CDH8: variants seen among roughly 807,000 people sequenced by gnomAD.
CDH8 encodes the protein cadherin 8, also known as cadherin-8.
CDH8 carries 17 observed loss-of-function variants against 68.1 expected under a neutral mutation model. The ratio of observed to expected loss-of-function variants is 0.25; its 90% CI spans 0.17 to 0.37. CDH8 has a LOEUF of 0.37. CDH8 is among the 10% of genes least tolerant of loss of function. The pLI is 1.00. For synonymous variants in CDH8, 372 were observed against 365.1 expected (o/e 1.02, Z -0.21); for missense variants, 763 against 999.3 (o/e 0.76, Z 3.19).
At chr16:61,680,109 C>A (rs544262137) in intron 10 of CDH8, among the ~76,000 whole-genome samples, 3 of 151,904 alleles carry the variant, frequency 2.0e-5, no homozygotes, top group African/African-American at 7.2e-5. Context: ...CATATCCCTG[C>A]GTCATTCTTG....
intron 7 of CDH8, 92 bp from the exon 8 acceptor site, chr16:61,789,574 T>C: frequency 8.2e-7 from 1 of 1,212,196 alleles, no homozygotes; most frequent in Non-Finnish European, 1.1e-6. Flanking sequence ...AGAGCCATAT[T>C]TGTGAAATCA....
intron 2 of CDH8, among the ~76,000 whole-genome samples, chr16:61,936,390 C>G (rs556015539): frequency 6.6e-6 from 1 of 152,094 alleles, no homozygotes; most frequent in Non-Finnish European, 1.5e-5. Context: ...TACTGCCAAA[C>G]AACCATGCTA....
At chr16:62,004,947 CAGA>C (rs1965949380) in intron 2 of CDH8, among the ~76,000 whole-genome samples, 1 of 152,126 alleles carries the variant, frequency 6.6e-6, no homozygotes, top group African/African-American at 2.4e-5. Flanking sequence ...TACAGAGTAG[CAGA>C]AGGAGAGGAT....
intron 3 of CDH8, among the ~76,000 whole-genome samples, chr16:61,868,746 G>C (rs1164929802): frequency 1.3e-5 from 2 of 152,122 alleles, no homozygotes; most frequent in African/African-American, 2.4e-5. Flanking sequence ...TTTCAGATTA[G>C]GGGACTCAAT....
At chr16:61,796,951 G>A (rs1012270893) in intron 7 of CDH8, among the ~76,000 whole-genome samples, 4 of 151,930 alleles carry the variant, frequency 2.6e-5, no homozygotes, top group African/African-American at 7.3e-5. Flanking sequence ...ATTGCATTGG[G>A]GAAATAACAT....
chr16:61,676,145 CAA>C (rs60364173), intron 10 of CDH8, among the ~76,000 whole-genome samples: 6 of 131,150 alleles, frequency 4.6e-5, no homozygotes, highest in Admixed American at 7.9e-5. Context: ...CACACACACT[CAA>C]AAAAAAAAAA....
intron 2 of CDH8, among the ~76,000 whole-genome samples, chr16:62,004,058 A>T (rs1245190902): frequency 2.0e-5 from 3 of 152,190 alleles, no homozygotes; most frequent in Admixed American, 2.0e-4. Context: ...GATGTGTAAC[A>T]TATGGCCATA....
intron 10 of CDH8, among the ~76,000 whole-genome samples, chr16:61,705,726 T>G (rs1168695420): frequency 4.0e-5 from 6 of 151,724 alleles, no homozygotes; most frequent in South Asian, 2.1e-4. Context: ...AAGGCCAGGT[T>G]CACAAAATTG....
At chr16:61,932,218 A>AAAAAAGAAAAG (rs577005665) in intron 2 of CDH8, among the ~76,000 whole-genome samples, 13,063 of 146,088 alleles carry the variant, frequency 0.089, 820 homozygotes, top group East Asian at 0.25. Context: ...AAAAAAAAAA[A>AAAAAAGAAAAG]AAAAGAAAAG....
At chr16:61,688,913 G>A (rs376496618) in intron 10 of CDH8, among the ~76,000 whole-genome samples, 1 of 152,116 alleles carries the variant, frequency 6.6e-6, no homozygotes, top group East Asian at 1.9e-4. Flanking sequence ...CTGTGAGAAG[G>A]TTTGGGAGGT....
chr16:61,998,293 T>C (rs1965840493), intron 2 of CDH8, among the ~76,000 whole-genome samples: 1 of 152,336 alleles, frequency 6.6e-6, no homozygotes, highest in South Asian at 2.1e-4. Context: ...TTTGAAATTA[T>C]ATCCCAATAA....
intron 3 of CDH8, among the ~76,000 whole-genome samples, chr16:61,895,311 G>C (rs554072207): frequency 6.6e-6 from 1 of 152,104 alleles, no homozygotes; most frequent in South Asian, 2.1e-4. Context: ...GCCCATGGGA[G>C]GTAGAACCAG....
chr16:61,812,087 C>A (rs1490272187), intron 7 of CDH8, among the ~76,000 whole-genome samples: 1 of 152,004 alleles, frequency 6.6e-6, no homozygotes, highest in African/African-American at 2.4e-5. Flanking sequence ...AACACACACA[C>A]AAACAAACAT....
At chr16:62,035,653 G>T (rs985708079) in intron 1 of CDH8, among the ~76,000 whole-genome samples, 1 of 152,080 alleles carries the variant, frequency 6.6e-6, no homozygotes, top group Non-Finnish European at 1.5e-5. Flanking sequence ...TCCCTGGCTT[G>T]CACCCTCCGC....
chr16:61,789,216 C>T, intron 8 of CDH8, 130 bp downstream of exon 8: 3 of 743,158 alleles, frequency 4.0e-6, no homozygotes, highest in Non-Finnish European at 6.5e-6. Context: ...TTCAAAGGCT[C>T]CTTGGGAACA....
chr16:61,722,691 C>T (rs929165286), intron 9 of CDH8, among the ~76,000 whole-genome samples: 9 of 150,536 alleles, frequency 6.0e-5, no homozygotes, highest in African/African-American at 2.2e-4. Context: ...TTATTTAGAG[C>T]CATGATTCTA....
intron 8 of CDH8, among the ~76,000 whole-genome samples, chr16:61,749,822 T>C (rs994499009): frequency 1.4e-4 from 21 of 152,194 alleles, no homozygotes; most frequent in Non-Finnish European, 2.4e-4. Context: ...TAGCCATGAT[T>C]CCAGAAAACT....
intron 8 of CDH8, among the ~76,000 whole-genome samples, chr16:61,771,470 G>GA (rs1960774870): frequency 2.2e-5 from 1 of 46,434 alleles, no homozygotes; most frequent in African/African-American, 1.1e-4. Context: ...TTAAAAGCCA[G>GA]CCAAAAAAAA....
At chr16:61,981,569 T>A (rs756068347) in intron 2 of CDH8, among the ~76,000 whole-genome samples, 7 of 152,158 alleles carry the variant, frequency 4.6e-5, no homozygotes, top group Non-Finnish European at 8.8e-5. Flanking sequence ...GAGTAATCCC[T>A]TCACTTTTTG....
Sources: allele counts gnomAD v4.1 joint callset (sites outside exome capture counted in the v4.1 genomes callset), GRCh38; gene constraint gnomAD v4.1.1; transcripts MANE v1.5; gene names NCBI Gene and HGNC (gene_info 2026-07-23, HGNC 2026-07-21).